The following NT5E variants were observed in gnomAD, a reference collection of about 807,000 sequenced individuals.
The protein encoded by NT5E is 5'-nucleotidase.
NT5E carries 53 observed loss-of-function variants against 55.1 expected under a neutral mutation model. That is an observed-to-expected ratio of 0.96 (90% CI 0.77 to 1.21). The LOEUF (loss-of-function observed/expected upper bound fraction) is 1.21, where lower values mean the gene tolerates loss of function less well. Among genes scored for constraint, NT5E ranks in the 50% most tolerant of loss-of-function variants. The probability of loss-of-function intolerance (pLI) is 0.00; values close to 1 mark genes in which losing one functional copy is unlikely to be tolerated. For missense variants in NT5E, 683 were observed against 724.3 expected (o/e 0.94, Z 0.65); for synonymous variants, 270 against 278.4 (o/e 0.97, Z 0.30).
At chr6:85,467,434 T>C (rs759218795) in intron 2 of NT5E, 152 bp downstream of exon 2, 15 of 705,052 alleles carry the variant, frequency 2.1e-5, no homozygotes, top group Non-Finnish European at 3.5e-5. Flanking sequence ...GTAAATTCTA[T>C]GCTGTTGTTC....
chr6:85,487,624 G>T (rs984400890), intron 5 of NT5E, 135 bp downstream of exon 5: 1 of 1,218,980 alleles, frequency 8.2e-7, no homozygotes, highest in Non-Finnish European at 1.2e-6. Context: ...CAGGGTGGTG[G>T]CATGTGCCTA....
chr6:85,479,686 T>G (rs1413974840), intron 3 of NT5E, among the ~76,000 whole-genome samples: 1 of 152,134 alleles, frequency 6.6e-6, no homozygotes, highest in African/African-American at 2.4e-5. Flanking sequence ...AATAAAGTCA[T>G]TACTTCTGAA....
At chr6:85,484,078 A>G (rs1345877997) in intron 3 of NT5E, among the ~76,000 whole-genome samples, 1 of 152,210 alleles carries the variant, frequency 6.6e-6, no homozygotes, top group Non-Finnish European at 1.5e-5. Flanking sequence ...ACTAAATGAG[A>G]TTAAGCCCAG....
chr6:85,450,176 C>A lies in NT5E; in HGVS notation c.37C>A (p.Leu13Ile). The A allele has an allele frequency of 6.2e-7, 1 of 1,604,544 alleles. No individual in the cohort carries two copies. The highest frequency in any genetic ancestry group is 8.5e-7 in the Non-Finnish European group (1 of 1,176,920). ...PRAARAPATL[L>I]LALGAVLWPA... ...AGCCGCGCGGGCGCCCGCGACGCTACTCCTCGCCCTGGGCGCGGTGCTGTG... is the reference window on the plus strand; with the variant it reads ...AGCCGCGCGGGCGCCCGCGACGCTAATCCTCGCCCTGGGCGCGGTGCTGTG... Residue 13 changes from leucine to isoleucine, a missense_variant, in exon 1 of 9, where the codon CTC becomes ATC. Leu to Ile is a conservative substitution (Grantham distance 5, BLOSUM62 2). Transcript: ENST00000257770. This position sits in a 1 kb window ranked among gnomAD's most constrained non-coding sequence, Gnocchi z 4.0.
chr6:85,468,942 G>A (rs1343113809), intron 2 of NT5E, among the ~76,000 whole-genome samples: 1 of 152,114 alleles, frequency 6.6e-6, no homozygotes, highest in Non-Finnish European at 1.5e-5. Flanking sequence ...AGGGCCCAGT[G>A]TGGGGGGAAA....
At chr6:85,462,861 G>A (rs1467452822) in intron 1 of NT5E, among the ~76,000 whole-genome samples, 1 of 152,214 alleles carries the variant, frequency 6.6e-6, no homozygotes, top group Admixed American at 6.5e-5. Flanking sequence ...TTAGCCAGCA[G>A]CTTCACAATT....
chr6:85,463,903 A>G (rs950569708), intron 1 of NT5E, among the ~76,000 whole-genome samples: 43 of 152,312 alleles, frequency 2.8e-4, no homozygotes, highest in African/African-American at 8.9e-4. Flanking sequence ...ATTTGTCTGC[A>G]TTAATTTCTG....
chr6:85,471,581 CAT>C, intron 3 of NT5E, 156 bp downstream of exon 3: 2 of 380,598 alleles, frequency 5.3e-6, no homozygotes, highest in African/African-American at 2.1e-5. Flanking sequence ...TAAATGGGAA[CAT>C]GTGCAAATCT....
chr6:85,483,798 A>G (rs1444264923), intron 3 of NT5E, among the ~76,000 whole-genome samples: 1 of 152,230 alleles, frequency 6.6e-6, no homozygotes, highest in Admixed American at 6.5e-5. Flanking sequence ...TTGGGACACA[A>G]AGATGCAAAT....
intron 1 of NT5E, among the ~76,000 whole-genome samples, chr6:85,462,365 A>C (rs1769114416): frequency 6.6e-6 from 1 of 152,102 alleles, no homozygotes; most frequent in African/African-American, 2.4e-5. Context: ...CTGATCTCCC[A>C]GCGATGCTCT....
intron 6 of NT5E, among the ~76,000 whole-genome samples, chr6:85,490,042 G>A (rs561742212): frequency 6.6e-6 from 1 of 152,244 alleles, no homozygotes; most frequent in African/African-American, 2.4e-5. Flanking sequence ...TATATCATAT[G>A]GCAAAACAAA....
chr6:85,472,397 T>C (rs1288717133), intron 3 of NT5E, among the ~76,000 whole-genome samples: 3 of 152,244 alleles, frequency 2.0e-5, no homozygotes, highest in African/African-American at 4.8e-5. Flanking sequence ...TTTATTTTCT[T>C]TCTAGTACTT....
rs962700862 is a variant in NT5E at position 85,450,884 on chromosome 6, A to C, written c.339+406A>C. Reference sequence around the variant, plus strand: ...TCGAAAAATGCTTTATCTCAATCTTATTGAAAGGGAAACCGCGTCGAAGAA... The same window carrying C: ...TCGAAAAATGCTTTATCTCAATCTTCTTGAAAGGGAAACCGCGTCGAAGAA... On this transcript the variant is annotated intron_variant, in intron 1 of 8. Transcript: ENST00000257770. This position sits in a 1 kb window ranked among gnomAD's most constrained non-coding sequence, Gnocchi z 4.0. Among the ~76,000 whole-genome samples, 4 of 152,194 alleles carry C rather than the reference A, an allele frequency of 2.6e-5. No individual in the cohort carries two copies. Among genetic ancestry groups the C allele is most frequent in the African/African-American group, 9.7e-5 (4 of 41,442 alleles).
At chr6:85,487,296 G>A in intron 4 of NT5E, 39 bp from the exon 5 acceptor site, 1 of 1,566,110 alleles carries the variant, frequency 6.4e-7, no homozygotes, top group South Asian at 1.1e-5. Flanking sequence ...AGCCCAGTGT[G>A]AGATTTAATT....
At chr6:85,473,059 C>T (rs1048554949) in intron 3 of NT5E, among the ~76,000 whole-genome samples, 3 of 152,106 alleles carry the variant, frequency 2.0e-5, no homozygotes, top group African/African-American at 7.2e-5. Flanking sequence ...ATGAGGATGA[C>T]GACTAGCACT....
chr6:85,484,689 G>T (rs1342874041), intron 3 of NT5E, among the ~76,000 whole-genome samples: 1 of 152,078 alleles, frequency 6.6e-6, no homozygotes, highest in Non-Finnish European at 1.5e-5. Context: ...TATGTCTGGG[G>T]TTTCTAGAGA....
intron 1 of NT5E, among the ~76,000 whole-genome samples, chr6:85,454,337 A>G (rs1768948057): frequency 6.6e-6 from 1 of 152,148 alleles, no homozygotes; most frequent in South Asian, 2.1e-4. Flanking sequence ...AAATTTCTAT[A>G]TTTTACCTAT....
intron 3 of NT5E, among the ~76,000 whole-genome samples, chr6:85,483,900 G>C (rs1769597071): frequency 6.6e-6 from 1 of 152,166 alleles, no homozygotes; most frequent in Non-Finnish European, 1.5e-5. Flanking sequence ...TGTGGGTAGT[G>C]GAGAAAACAT....
Position 85,494,273 on chromosome 6 carries a change from A to G in NT5E, c.*269A>G. 1 of 446,760 alleles carries G rather than the reference A, an allele frequency of 2.2e-6. No individual in the cohort carries two copies. The highest frequency in any genetic ancestry group is 4.0e-6 in the Non-Finnish European group (1 of 251,784). The allele number at this position is 446,760 out of a possible 1,614,324, so 27.7% of individuals were successfully genotyped here. A position where few individuals can be genotyped will look rare whatever the true frequency, so the allele number is the denominator to read the frequency against. On this transcript the variant is annotated 3_prime_UTR_variant, in exon 9 of 9. Coordinates refer to ENST00000257770, the MANE Select transcript of NT5E (RefSeq NM_002526.4). The stretch of plus-strand genomic sequence containing the variant: ...GTCCAAATTTTAATGAAATTTTACT[A>G]ACAATTTTAAACCATATTTTTCTTC...
Sources: allele counts gnomAD v4.1 joint callset (sites outside exome capture counted in the v4.1 genomes callset), GRCh38; gene constraint gnomAD v4.1.1; non-coding constraint Gnocchi (gnomAD v3.1); transcripts MANE v1.5; gene names NCBI Gene and HGNC (gene_info 2026-07-23, HGNC 2026-07-21).